NOS1AP: variants seen among roughly 807,000 people sequenced by gnomAD.
The protein encoded by NOS1AP is nitric oxide synthase 1 adaptor protein.
A neutral mutation model predicts 56.2 loss-of-function variants in NOS1AP; 21 were observed. That is an observed-to-expected ratio of 0.37 (90% CI 0.26 to 0.54). NOS1AP has a LOEUF of 0.54. NOS1AP is among the 20% of genes least tolerant of loss of function. The pLI, the probability that NOS1AP is intolerant of heterozygous loss-of-function variation, is 0.84. For missense variants in NOS1AP, 522 were observed against 657.8 expected, an observed-to-expected ratio of 0.79 and a Z score of 2.26; for synonymous variants, 270 against 274.6, an observed-to-expected ratio of 0.98 and a Z score of 0.17.
chr1:162,183,038 A>G (rs1012796279), intron 2 of NOS1AP, among the ~76,000 whole-genome samples: 1 of 152,236 alleles, frequency 6.6e-6, no homozygotes, highest in Non-Finnish European at 1.5e-5. Context: ...CAGAGGAGTC[A>G]CTATCTATGG....
chr1:162,353,220 G>A (rs1199966615), intron 6 of NOS1AP, among the ~76,000 whole-genome samples: 5 of 152,056 alleles, frequency 3.3e-5, no homozygotes, highest in African/African-American at 1.2e-4. Flanking sequence ...GTGAAATTTT[G>A]AAGGATGAAA....
intron 4 of NOS1AP, among the ~76,000 whole-genome samples, chr1:162,310,977 T>G (rs1656007816): frequency 6.6e-6 from 1 of 152,164 alleles, no homozygotes; most frequent in Non-Finnish European, 1.5e-5. Context: ...TCTTCCTGGA[T>G]ACCCTCTTTC....
chr1:162,352,201 A>G (rs755686211), intron 6 of NOS1AP, among the ~76,000 whole-genome samples: 39 of 152,098 alleles, frequency 2.6e-4, no homozygotes, highest in Admixed American at 5.2e-4. Context: ...CTGGGATTAC[A>G]GGCATGTACC....
intron 4 of NOS1AP, 108 bp from the exon 5 acceptor site, chr1:162,332,909 T>A: frequency 1.3e-6 from 1 of 799,558 alleles, no homozygotes; most frequent in Non-Finnish European, 2.2e-6. Flanking sequence ...CTGTAATAAC[T>A]TGGCTCTCAT....
chr1:162,255,157 C>A lies in NOS1AP; in HGVS notation c.178-32187C>A, dbSNP rs558792127. ...GGAGAGTTAATTAGCATCTGTCAGG[C>A]AGTTCTAAAGTACTTACAAGGGCTC... On this transcript the variant is annotated intron_variant, in intron 2 of 9. Coordinates refer to ENST00000361897, the MANE Select transcript of NOS1AP (RefSeq NM_014697.3). Among the ~76,000 whole-genome samples, 29 of 152,328 alleles carry A rather than the reference C, an allele frequency of 1.9e-4. No homozygotes were observed. In the South Asian group the frequency reaches 5.6e-3, roughly 29 times the overall value.
chr1:162,074,047 G>C (rs1691719547), intron 1 of NOS1AP, among the ~76,000 whole-genome samples: 1 of 152,178 alleles, frequency 6.6e-6, no homozygotes, highest in African/African-American at 2.4e-5. Flanking sequence ...ATTAATAATA[G>C]TTATATCTTA....
chr1:162,322,170 G>A (rs1433939999), intron 4 of NOS1AP, among the ~76,000 whole-genome samples: 1 of 152,170 alleles, frequency 6.6e-6, no homozygotes, highest in Non-Finnish European at 1.5e-5. Flanking sequence ...ACCTGAGGGT[G>A]GGGCAGGTGA....
chr1:162,348,373 A>C, intron 6 of NOS1AP, among the ~76,000 whole-genome samples: 1 of 152,220 alleles, frequency 6.6e-6, no homozygotes, highest in East Asian at 1.9e-4. Context: ...AGGTGGTGAC[A>C]GTGACCATGA....
intron 4 of NOS1AP, among the ~76,000 whole-genome samples, chr1:162,302,760 A>C (rs1655705824): frequency 6.6e-6 from 1 of 152,144 alleles, no homozygotes; most frequent in Admixed American, 6.5e-5. Context: ...TATCACCCCA[A>C]AAGTTTCCTT....
intron 1 of NOS1AP, among the ~76,000 whole-genome samples, chr1:162,077,386 G>A (rs1012135447): frequency 6.6e-6 from 1 of 151,584 alleles, no homozygotes. Context: ...GTGTTTTTTG[G>A]CCATTTATAT....
chr1:162,160,477 G>C (rs1212354903), intron 2 of NOS1AP, among the ~76,000 whole-genome samples: 2 of 152,336 alleles, frequency 1.3e-5, no homozygotes, highest in Admixed American at 6.5e-5. Context: ...TGGTGGACGG[G>C]CGGCTTTATG....
intron 6 of NOS1AP, among the ~76,000 whole-genome samples, chr1:162,345,403 G>A (rs559098482): frequency 1.2e-3 from 177 of 148,814 alleles, no homozygotes; most frequent in African/African-American, 4.1e-3. Flanking sequence ...GAGAATATGC[G>A]GTGTTTGGTT....
At chr1:162,334,229 G>A (rs1656866986) in intron 5 of NOS1AP, among the ~76,000 whole-genome samples, 2 of 152,244 alleles carry the variant, frequency 1.3e-5, no homozygotes, top group African/African-American at 4.8e-5. Flanking sequence ...ATGGAGATTT[G>A]TGCCCTTAAC....
intron 4 of NOS1AP, among the ~76,000 whole-genome samples, chr1:162,319,220 A>C (rs60566412): frequency 4.6e-5 from 7 of 152,168 alleles, no homozygotes; most frequent in Non-Finnish European, 7.3e-5. Flanking sequence ...TAGCTCACAA[A>C]TGTAAGCAGC....
rs927071592 is a variant in NOS1AP at position 162,188,275 on chromosome 1, T to C, written c.177+33799T>C. Among the ~76,000 whole-genome samples, 1 of 152,226 alleles carries C rather than the reference T, an allele frequency of 6.6e-6. No individual in the cohort carries two copies. The highest frequency in any genetic ancestry group is 1.5e-5 in the Non-Finnish European group (1 of 68,044). ...CTTTGCAATCGTTTTGTAAATTATCTGTGGCCTGCTGGAAAGCTACTCAGT... is the reference window on the plus strand; with the variant it reads ...CTTTGCAATCGTTTTGTAAATTATCCGTGGCCTGCTGGAAAGCTACTCAGT... On this transcript the variant is annotated intron_variant, in intron 2 of 9. Transcript: ENST00000361897. This position sits in a 1 kb window ranked among gnomAD's most constrained non-coding sequence, Gnocchi z 4.0.
chr1:162,157,347 C>T (rs1317969911), intron 2 of NOS1AP, among the ~76,000 whole-genome samples: 1 of 152,204 alleles, frequency 6.6e-6, no homozygotes, highest in Non-Finnish European at 1.5e-5. Context: ...ATAGCAAGTG[C>T]CGTGGTATGT....
chr1:162,292,567 G>A (rs139795396), intron 3 of NOS1AP, among the ~76,000 whole-genome samples: 5 of 152,198 alleles, frequency 3.3e-5, no homozygotes, highest in Admixed American at 2.6e-4. Flanking sequence ...GTGAAGTCAA[G>A]GTTCGAACCT....
intron 5 of NOS1AP, among the ~76,000 whole-genome samples, chr1:162,333,942 C>G (rs1424446342): frequency 2.0e-5 from 3 of 152,162 alleles, no homozygotes; most frequent in African/African-American, 7.2e-5. Flanking sequence ...ATCCTGGGAA[C>G]TGTTTTTCTG....
At position 162,370,398 on chromosome 1, in the gene NOS1AP, G is replaced by A. The variant is rs898197655; in HGVS notation, c.*2931G>A. The A allele has an allele frequency of 6.6e-6, 1 of 152,238 alleles. No homozygotes were observed. Among genetic ancestry groups the A allele is most frequent in the African/African-American group, 2.4e-5 (1 of 41,462 alleles). 9.4% of individuals were successfully genotyped at this position (152,238 alleles called of 1,614,324 possible). A position where few individuals can be genotyped will look rare whatever the true frequency, so the allele number is the denominator to read the frequency against. On this transcript the variant is annotated 3_prime_UTR_variant, in exon 10 of 10. Coordinates refer to ENST00000361897, the MANE Select transcript of NOS1AP (RefSeq NM_014697.3). ...GATCAACTCTCTGGGAAAAGATTCT[G>A]TTAATGTAAGTGCACTTACTCCCTG...
Sources: gnomAD v4.1 joint callset for allele counts (sites outside exome capture counted in the v4.1 genomes callset) on GRCh38, gnomAD v4.1.1 for gene constraint, Gnocchi (gnomAD v3.1) non-coding constraint, MANE v1.5 for transcripts, NCBI Gene and HGNC (gene_info 2026-07-23, HGNC 2026-07-21) for gene names.